Variants in TMOD1 observed in about 807,000 individuals in gnomAD.
TMOD1 encodes the protein tropomodulin 1, also known as tropomodulin-1.
Under a neutral mutation model 40.6 loss-of-function variants are expected in TMOD1, and 17 were observed. The observed-to-expected ratio is 0.42, with a 90% CI of 0.29 to 0.63. The LOEUF (loss-of-function observed/expected upper bound fraction) is 0.63, where lower values mean the gene tolerates loss of function less well. TMOD1 is among the 20% of genes least tolerant of loss of function. TMOD1 has a pLI of 0.22. For missense variants in TMOD1, 391 were observed against 447.6 expected (o/e 0.87, Z 1.14); for synonymous variants, 181 against 175.0 (o/e 1.03, Z -0.27).
chr9:97,502,967 A>G lies in TMOD1; in HGVS notation c.-49+1164A>G, dbSNP rs188542193. The stretch of plus-strand genomic sequence containing the variant: ...CCTACACCCTTCACCCACCGCTACT[A>G]TTACAGACCCTGTCTCCAGCCCTCG... On this transcript the variant is annotated intron_variant, in intron 1 of 9. Coordinates refer to ENST00000259365, the MANE Select transcript of TMOD1 (RefSeq NM_003275.4). The surrounding 1 kb of genome is among the most constrained non-coding windows in gnomAD (Gnocchi z 6.1). 2.8e-4 allele frequency among the ~76,000 whole-genome samples: 42 copies of G among 151,834 alleles called. 1 individual carries two copies. The highest frequency in any genetic ancestry group is 3.9e-4 in the Admixed American group (6 of 15,252).
At position 97,512,277 on chromosome 9, in the gene TMOD1, A is replaced by G. The variant is rs77562838; in HGVS notation, c.-49+10474A>G. 9.2e-3 allele frequency among the ~76,000 whole-genome samples: 1,402 copies of G among 152,360 alleles called. 40 individuals carry two copies. In the East Asian group the frequency reaches 0.099, roughly 11 times the overall value. On this transcript the variant is annotated intron_variant, in intron 1 of 9. Transcript: ENST00000259365. ...AAGGTGCTGACAGTACCAAGTGTTG[A>G]CAAGGTTGTGGAGCAGCTGGAACTA...
intron 4 of TMOD1, among the ~76,000 whole-genome samples, chr9:97,561,828 C>G (rs1160606827): frequency 1.3e-5 from 2 of 152,230 alleles, no homozygotes; most frequent in African/African-American, 4.8e-5. Context: ...ACCTGCATTC[C>G]TCTGCCTGTA....
intron 6 of TMOD1, 146 bp from the exon 7 acceptor site, chr9:97,565,702 C>G: frequency 1.6e-6 from 1 of 644,632 alleles, no homozygotes; most frequent in Middle Eastern, 3.8e-4. Context: ...TTTCAGTCGT[C>G]CGGGACAAAG....
intron 2 of TMOD1, among the ~76,000 whole-genome samples, chr9:97,532,230 C>T (rs767242591): frequency 2.6e-5 from 4 of 152,166 alleles, no homozygotes; most frequent in Non-Finnish European, 5.9e-5. Context: ...TGCACAGAGC[C>T]GAGGATGGGC....
chr9:97,566,699 T>A (rs193063629), intron 7 of TMOD1, among the ~76,000 whole-genome samples: 231 of 152,082 alleles, frequency 1.5e-3, no homozygotes, highest in African/African-American at 5.2e-3. Flanking sequence ...AATAAAAATT[T>A]AAAAAAATAA....
chr9:97,548,251 C>T (rs191852993), intron 3 of TMOD1, among the ~76,000 whole-genome samples: 128 of 152,168 alleles, frequency 8.4e-4, no homozygotes, highest in African/African-American at 2.6e-3. Context: ...GCACAATGCC[C>T]AGCACTAAGT....
chr9:97,522,713 C>A (rs553218981), intron 1 of TMOD1, among the ~76,000 whole-genome samples: 1 of 152,000 alleles, frequency 6.6e-6, no homozygotes, highest in South Asian at 2.1e-4. Flanking sequence ...AGGTGCTGCA[C>A]GACCACACCC....
At chr9:97,559,794 A>AATATATATATATATAT (rs1193457397) in intron 4 of TMOD1, among the ~76,000 whole-genome samples, 7 of 23,164 alleles carry the variant, frequency 3.0e-4, no homozygotes, top group Non-Finnish European at 4.6e-4. Flanking sequence ...AAAAAAAAAA[A>AATATATATATATATAT]ATATATATAT....
At chr9:97,585,868 G>A (rs1198645319) in intron 8 of TMOD1, among the ~76,000 whole-genome samples, 2 of 136,248 alleles carry the variant, frequency 1.5e-5, no homozygotes, top group South Asian at 2.3e-4. Flanking sequence ...GCTCCTTTAA[G>A]CACTTCTCTG....
At chr9:97,508,057 TCACACACACACACACACACACACACACA>T (rs56669574) in intron 1 of TMOD1, among the ~76,000 whole-genome samples, 1 of 131,990 alleles carries the variant, frequency 7.6e-6, no homozygotes, top group Non-Finnish European at 1.6e-5. Flanking sequence ...TCTTCCTGAT[TCACACACACACACACACACACACACACA>T]CACACACACA....
intron 3 of TMOD1, among the ~76,000 whole-genome samples, chr9:97,551,793 TA>T (rs1369595023): frequency 2.0e-5 from 3 of 152,224 alleles, no homozygotes; most frequent in African/African-American, 7.2e-5. Context: ...GCCATCTTAA[TA>T]ATGTTAAGTG....
At chr9:97,578,275 G>C (rs1026809958) in intron 8 of TMOD1, among the ~76,000 whole-genome samples, 1 of 152,126 alleles carries the variant, frequency 6.6e-6, no homozygotes, top group Admixed American at 6.5e-5. Flanking sequence ...GGATGGTCTC[G>C]ATCTCCTGAC....
At chr9:97,597,453 C>T (rs1379977300) in intron 9 of TMOD1, among the ~76,000 whole-genome samples, 1 of 151,732 alleles carries the variant, frequency 6.6e-6, no homozygotes, top group Non-Finnish European at 1.5e-5. Context: ...AATCCCAGCA[C>T]TTTGGGAAGC....
chr9:97,584,626 G>A (rs1020940927), intron 8 of TMOD1, among the ~76,000 whole-genome samples: 10 of 152,158 alleles, frequency 6.6e-5, no homozygotes, highest in Non-Finnish European at 1.2e-4. Context: ...TTATTAATGT[G>A]TGGGAGTCTA....
chr9:97,540,535 A>G (rs1830261807), intron 2 of TMOD1, among the ~76,000 whole-genome samples: 1 of 152,224 alleles, frequency 6.6e-6, no homozygotes, highest in Admixed American at 6.5e-5. Context: ...GGAGGCACAC[A>G]TTCCAGTCCA....
intron 4 of TMOD1, among the ~76,000 whole-genome samples, chr9:97,554,942 TGAGGAG>T (rs1830513063): frequency 6.6e-6 from 1 of 152,122 alleles, no homozygotes; most frequent in South Asian, 2.1e-4. Context: ...CTGGGGGACC[TGAGGAG>T]TGAATGCGGA....
intron 2 of TMOD1, among the ~76,000 whole-genome samples, chr9:97,543,358 CA>C (rs1830305330): frequency 6.6e-6 from 1 of 152,364 alleles, no homozygotes; most frequent in Admixed American, 6.5e-5. Context: ...CCCTGTTAAA[CA>C]TACATATTTG....
At chr9:97,536,455 C>G (rs907296851) in intron 2 of TMOD1, among the ~76,000 whole-genome samples, 2 of 152,080 alleles carry the variant, frequency 1.3e-5, no homozygotes, top group African/African-American at 4.8e-5. Context: ...TGGTTTCACT[C>G]CTACCCCAGG....
At chr9:97,536,590 G>A (rs1245709366) in intron 2 of TMOD1, among the ~76,000 whole-genome samples, 2 of 152,048 alleles carry the variant, frequency 1.3e-5, no homozygotes, top group Admixed American at 6.5e-5. Flanking sequence ...TCTCACGTGC[G>A]GCCACATCTG....
Sources: allele counts gnomAD v4.1 joint callset (sites outside exome capture counted in the v4.1 genomes callset), GRCh38; gene constraint gnomAD v4.1.1; non-coding constraint Gnocchi (gnomAD v3.1); transcripts MANE v1.5; gene names NCBI Gene and HGNC (gene_info 2026-07-23, HGNC 2026-07-21).